ACAA2: variants seen among roughly 807,000 people sequenced by gnomAD.
The protein encoded by ACAA2 is acetyl-CoA acyltransferase 2.
A neutral mutation model predicts 44.8 loss-of-function variants in ACAA2; 35 were observed. The observed-to-expected ratio is 0.78, with a 90% CI of 0.60 to 1.04. The LOEUF (loss-of-function observed/expected upper bound fraction) is 1.04. Among genes scored for constraint, ACAA2 ranks in the 50% least tolerant of loss-of-function variants. The pLI is 0.00. For missense variants in ACAA2, 468 were observed against 482.6 expected, an observed-to-expected ratio of 0.97 and a Z score of 0.28; for synonymous variants, 142 against 166.5, an observed-to-expected ratio of 0.85 and a Z score of 1.13.
intron 8 of ACAA2, among the ~76,000 whole-genome samples, chr18:49,786,786 T>C (rs1386958101): frequency 6.6e-6 from 1 of 152,178 alleles, no homozygotes; most frequent in African/African-American, 2.4e-5. Flanking sequence ...ACTCAATAAA[T>C]TTAAGTTCCA....
intron 1 of ACAA2, among the ~76,000 whole-genome samples, chr18:49,809,123 T>C (rs915518576): frequency 6.6e-6 from 1 of 152,176 alleles, no homozygotes; most frequent in Non-Finnish European, 1.5e-5. Flanking sequence ...TTATAGGCTC[T>C]CTGCAAGAAG....
chr18:49,807,982 TA>T (rs571108352), intron 1 of ACAA2, among the ~76,000 whole-genome samples: 1,959 of 116,142 alleles, frequency 0.017, 36 homozygotes, highest in African/African-American at 0.047. Context: ...GCTCAGCAAT[TA>T]AAAAAAAAAA....
chr18:49,793,302 A>G (rs2023427515), intron 5 of ACAA2, among the ~76,000 whole-genome samples: 1 of 152,240 alleles, frequency 6.6e-6, no homozygotes, highest in Non-Finnish European at 1.5e-5. Flanking sequence ...CTTAATTTTC[A>G]TATCACTTTA....
chr18:49,783,840 G>C lies in ACAA2; in HGVS notation c.*7C>G. 1 of 1,611,008 alleles carries C rather than the reference G, an allele frequency of 6.2e-7. No homozygotes were observed. Among genetic ancestry groups the C allele is most frequent in the South Asian group, 1.1e-5 (1 of 90,968 alleles). ...AAGGATGGGTCACAGTGAGCTCACT[G>C]GTCTCTTCAGGCTGTGCTCTGAATG... On this transcript the variant is annotated 3_prime_UTR_variant, in exon 10 of 10. Transcript: ENST00000285093.
At chr18:49,797,651 C>A in intron 2 of ACAA2, 57 bp from the exon 3 acceptor site, 4 of 1,425,862 alleles carry the variant, frequency 2.8e-6, no homozygotes, top group Non-Finnish European at 3.8e-6. Flanking sequence ...TAATTAAGAA[C>A]AAGCACGAAA....
At chr18:49,799,378 C>T (rs2023502312) in intron 2 of ACAA2, among the ~76,000 whole-genome samples, 1 of 149,530 alleles carries the variant, frequency 6.7e-6, no homozygotes, top group East Asian at 2.0e-4. Flanking sequence ...CCACGCCTGA[C>T]TGGTTTTCGT....
Position 49,798,341 on chromosome 18 carries a change from G to A in ACAA2, c.184-747C>T, listed in dbSNP as rs199752005. Among the ~76,000 whole-genome samples, 13 of 152,214 alleles carry A rather than the reference G, an allele frequency of 8.5e-5. No homozygotes were observed. The East Asian group carries it at 1.7e-3, about 20-fold the overall frequency. ...CCAAAACTTTAAAATGCATATGGGG[G>A]CGTCTTGTTATAATAAAATGTAAGT... On this transcript the variant is annotated intron_variant, in intron 2 of 9. Coordinates refer to ENST00000285093, the MANE Select transcript of ACAA2 (RefSeq NM_006111.3).
chr18:49,790,877 A>G (rs1189854458), intron 7 of ACAA2, among the ~76,000 whole-genome samples: 1 of 152,194 alleles, frequency 6.6e-6, no homozygotes, highest in Non-Finnish European at 1.5e-5. Context: ...ACTTCCTGAG[A>G]CTATGCGTTT....
intron 1 of ACAA2, among the ~76,000 whole-genome samples, chr18:49,806,400 TA>T (rs2023610627): frequency 6.6e-6 from 1 of 152,116 alleles, no homozygotes; most frequent in Non-Finnish European, 1.5e-5. Context: ...AGCCAAGCCT[TA>T]AAAAACTGAA....
intron 5 of ACAA2, among the ~76,000 whole-genome samples, chr18:49,793,369 A>AGAT (rs1769253525): frequency 6.6e-6 from 1 of 152,240 alleles, no homozygotes; most frequent in South Asian, 2.1e-4. Flanking sequence ...CAACCTTATT[A>AGAT]GATAAATAGG....
At chr18:49,807,058 C>T (rs1284445889) in intron 1 of ACAA2, among the ~76,000 whole-genome samples, 1 of 152,106 alleles carries the variant, frequency 6.6e-6, no homozygotes, top group Non-Finnish European at 1.5e-5. Flanking sequence ...AACAACAAAA[C>T]ATCTATATAC....
intron 7 of ACAA2, among the ~76,000 whole-genome samples, chr18:49,787,739 T>G (rs1427118636): frequency 3.3e-5 from 5 of 152,220 alleles, no homozygotes; most frequent in African/African-American, 1.2e-4. Flanking sequence ...CATGAAAAGT[T>G]CTACCATAAA....
chr18:49,789,461 G>A (rs1231980229), intron 7 of ACAA2, among the ~76,000 whole-genome samples: 1 of 152,096 alleles, frequency 6.6e-6, no homozygotes, highest in Non-Finnish European at 1.5e-5. Flanking sequence ...CAAGCCCCGA[G>A]GAAAAATGAC....
intron 8 of ACAA2, chr18:49,786,142 T>C (rs2023326344): frequency 7.0e-6 from 1 of 141,988 alleles, no homozygotes; most frequent in East Asian, 1.9e-4. Context: ...CTTGTGCTCT[T>C]TCCTACTATA....
At chr18:49,787,264 A>T in intron 8 of ACAA2, 27 bp downstream of exon 8, 1 of 1,347,820 alleles carries the variant, frequency 7.4e-7, no homozygotes, top group East Asian at 3.2e-5. Context: ...TGTTGTTAAA[A>T]AAAAAAAAAA....
At chr18:49,786,112 G>C (rs2023326031) in intron 8 of ACAA2, 1 of 152,166 alleles carries the variant, frequency 6.6e-6, no homozygotes, top group African/African-American at 2.4e-5. Flanking sequence ...AACTTTTGCA[G>C]AGTTGGGATA....
intron 2 of ACAA2, among the ~76,000 whole-genome samples, chr18:49,798,397 A>T (rs758799576): frequency 1.3e-5 from 2 of 152,106 alleles, no homozygotes; most frequent in Non-Finnish European, 2.9e-5. Context: ...TCTGCCGGAG[A>T]TTCTGCATTT....
intron 8 of ACAA2, chr18:49,786,165 T>A (rs1337071915): frequency 1.3e-5 from 2 of 152,184 alleles, no homozygotes. Flanking sequence ...TTGTGGTCTC[T>A]CAAGATGGTG....
chr18:49,794,138 C>T, intron 5 of ACAA2, 142 bp downstream of exon 5: 1 of 723,822 alleles, frequency 1.4e-6, no homozygotes, highest in Non-Finnish European at 2.0e-6. Flanking sequence ...ATCTGATCAT[C>T]TAAAGACAAA....
Sources: allele counts gnomAD v4.1 joint callset (sites outside exome capture counted in the v4.1 genomes callset), GRCh38; gene constraint gnomAD v4.1.1; transcripts MANE v1.5; gene names NCBI Gene and HGNC (gene_info 2026-07-23, HGNC 2026-07-21).